Variants in LGI2 observed in about 807,000 individuals in gnomAD.
LGI2 encodes the protein leucine rich repeat LGI family member 2, also known as leucine-rich repeat LGI family member 2.
A neutral mutation model predicts 52.0 loss-of-function variants in LGI2; 30 were observed. That is an observed-to-expected ratio of 0.58 (90% CI 0.43 to 0.78). The LOEUF is 0.78. Among genes scored for constraint, LGI2 ranks in the 30% least tolerant of loss-of-function variants. The pLI is 0.00. For synonymous variants in LGI2, 270 were observed against 271.8 expected, an observed-to-expected ratio of 0.99 and a Z score of 0.06; for missense variants, 573 against 692.5, an observed-to-expected ratio of 0.83 and a Z score of 1.94.
In LGI2 at chr4:25,004,054, G is replaced by A; in HGVS notation, c.1035C>T (p.Ser345=). 6 of 1,614,194 alleles carry A rather than the reference G, an allele frequency of 3.7e-6. No individual in the cohort carries two copies. Among genetic ancestry groups the A allele is most frequent in the Non-Finnish European group, 5.1e-6 (6 of 1,180,028 alleles). ...DDETFFVIAD[S]SKAGLSTVYK... The stretch of plus-strand genomic sequence containing the variant: ...AAACTGTGGACAGACCAGCCTTTGA[G>A]CTGTCTGCGATGACAAAGAACGTCT... Residue 345 remains serine, a synonymous_variant, in exon 8 of 8, where the codon AGC becomes AGT. Transcript: ENST00000382114. This position sits in a 1 kb window ranked among gnomAD's most constrained non-coding sequence, Gnocchi z 4.6.
At chr4:24,996,755 G>A (rs1409081307), downstream of LGI2, among the ~76,000 whole-genome samples, 1 of 151,976 alleles carries the variant, frequency 6.6e-6, no homozygotes, top group South Asian at 2.1e-4. Flanking sequence ...TGTGGGTGAT[G>A]GATGGTGTGA....
intron 6 of LGI2, among the ~76,000 whole-genome samples, chr4:25,017,660 C>T (rs1000553987): frequency 5.9e-5 from 9 of 151,928 alleles, no homozygotes; most frequent in African/African-American, 2.2e-4. Flanking sequence ...CCTGCAGTGG[C>T]CTTCTATGAA....
In LGI2 at chr4:25,012,370, A is replaced by G. The variant is rs936098660; in HGVS notation, c.785T>C (p.Ile262Thr). The G allele has an allele frequency of 2.1e-5, 34 of 1,614,118 alleles. No individual in the cohort carries two copies. Among genetic ancestry groups the G allele is most frequent in the Non-Finnish European group, 2.9e-5 (34 of 1,180,034 alleles). Residue 262 changes from isoleucine to threonine, a missense_variant, in exon 7 of 8, where the codon ATT (isoleucine) becomes ACT (threonine). Transcript: ENST00000382114. ...ENCMVLEWDHIEMNFRSYDNI... is the reference protein window; with the variant it reads ...ENCMVLEWDHTEMNFRSYDNI... ...GTCATAGCTCCGGAAATTCATTTCA[A>G]TGTGGTCCCACTCCAGCACCATGCA...
chr4:25,013,085 A>G (rs1008957225), intron 6 of LGI2, among the ~76,000 whole-genome samples: 2 of 152,214 alleles, frequency 1.3e-5, no homozygotes, highest in African/African-American at 4.8e-5. Flanking sequence ...ACACTCCCCA[A>G]ATGGTACACT....
Position 25,004,300 on chromosome 4 carries a change from T to G in LGI2, c.821-32A>C. On this transcript the variant is annotated intron_variant, in intron 7 of 7. Transcript: ENST00000382114. This position sits in a 1 kb window ranked among gnomAD's most constrained non-coding sequence, Gnocchi z 4.6. ...TCCAAAATAAAGGAGAGGACATTAG[T>G]GCAACTACAGCTAAAAACGCATCTC... The G allele has an allele frequency of 6.4e-7, 1 of 1,571,956 alleles. No homozygotes were observed.
At chr4:25,023,068 T>TTGATGATGATGATGA (rs59366282) in intron 4 of LGI2, among the ~76,000 whole-genome samples, 5,496 of 151,120 alleles carry the variant, frequency 0.036, 129 homozygotes, top group Non-Finnish European at 0.05. Flanking sequence ...TATGTTGATG[T>TTGATGATGATGATGA]TGATGATGAT....
At position 25,030,733 on chromosome 4, in the gene LGI2, G is replaced by T; in HGVS notation, c.-40C>A. On this transcript the variant is annotated 5_prime_UTR_variant, in exon 1 of 8. Coordinates refer to ENST00000382114, the MANE Select transcript of LGI2 (RefSeq NM_018176.4). The stretch of plus-strand genomic sequence containing the variant: ...CCCCGCCCGGGCCCCGACCCCCACC[G>T]CCGCGCCGCGCGCTCGGACCCGGCG... 9.0e-7 allele frequency: 1 copy of T among 1,116,604 alleles called. No individual in the cohort carries two copies. Among genetic ancestry groups the T allele is most frequent in the African/African-American group, 1.7e-5 (1 of 60,170 alleles). 69.2% of individuals were successfully genotyped at this position (1,116,604 alleles called of 1,614,324 possible).
downstream of LGI2, among the ~76,000 whole-genome samples, chr4:24,997,967 T>C (rs1725131814): frequency 6.6e-6 from 1 of 152,158 alleles, no homozygotes; most frequent in African/African-American, 2.4e-5. Flanking sequence ...AGCCTCAAAC[T>C]CCTGGGCTCA....
intron 6 of LGI2, 103 bp from the exon 7 acceptor site, chr4:25,012,602 G>GGGAGGA: frequency 8.3e-7 from 1 of 1,199,118 alleles, no homozygotes; most frequent in East Asian, 2.4e-5. Flanking sequence ...AAAAGGACTG[G>GGGAGGA]GGAGGAGGAG....
chr4:25,006,078 C>A (rs1254509570), intron 7 of LGI2, among the ~76,000 whole-genome samples: 1 of 152,258 alleles, frequency 6.6e-6, no homozygotes, highest in Non-Finnish European at 1.5e-5. Context: ...ACTATAATCA[C>A]AAGACCTTGC....
rs1725340543 is a variant in LGI2 at position 25,004,414 on chromosome 4, A to G, written c.821-146T>C. ...ATGGTGGTTCCTTGAAAAATTAAAC[A>G]TGGAATTACCCTATGAGCCAGCAAT... is the stretch of plus-strand genomic sequence containing the variant. On this transcript the variant is annotated intron_variant, in intron 7 of 7. Transcript: ENST00000382114. The surrounding 1 kb of genome is among the most constrained non-coding windows in gnomAD (Gnocchi z 4.6). 5.5e-6 allele frequency: 4 copies of G among 725,802 alleles called. No individual in the cohort carries two copies. In the South Asian group the frequency reaches 7.5e-5, roughly 14 times the overall value. The allele number at this position is 725,802 out of a possible 1,614,324, so 45.0% of individuals were successfully genotyped here.
chr4:25,015,254 CTG>C (rs1409157322), intron 6 of LGI2, among the ~76,000 whole-genome samples: 1 of 152,218 alleles, frequency 6.6e-6, no homozygotes, highest in Admixed American at 6.5e-5. Context: ...CATTATTTCT[CTG>C]TGCATTTTCA....
At chr4:25,005,536 T>C (rs554396480) in intron 7 of LGI2, among the ~76,000 whole-genome samples, 3 of 151,644 alleles carry the variant, frequency 2.0e-5, no homozygotes, top group East Asian at 1.9e-4. Flanking sequence ...AATAAATAGA[T>C]ACAATTTTAA....
intron 7 of LGI2, among the ~76,000 whole-genome samples, chr4:25,009,926 G>T (rs141955442): frequency 3.9e-5 from 6 of 152,130 alleles, no homozygotes; most frequent in Non-Finnish European, 8.8e-5. Flanking sequence ...GAGTCAACAC[G>T]CCTGGCCAGA....
chr4:25,029,976 A>G (rs963165244), intron 1 of LGI2, among the ~76,000 whole-genome samples: 1 of 152,094 alleles, frequency 6.6e-6, no homozygotes, highest in African/African-American at 2.4e-5. Flanking sequence ...CGGGGTGAAC[A>G]TTCGCCCCAG....
chr4:25,014,271 T>C (rs1206973877), intron 6 of LGI2, among the ~76,000 whole-genome samples: 1 of 152,206 alleles, frequency 6.6e-6, no homozygotes, highest in Non-Finnish European at 1.5e-5. Context: ...AGAAAGTTTC[T>C]GTTTTTATTG....
At chr4:25,005,643 G>T (rs981314539) in intron 7 of LGI2, among the ~76,000 whole-genome samples, 6 of 152,052 alleles carry the variant, frequency 3.9e-5, no homozygotes, top group African/African-American at 1.2e-4. Context: ...CTCCTGGGGT[G>T]GTGGGGGGTT....
intron 7 of LGI2, among the ~76,000 whole-genome samples, chr4:25,006,003 C>T (rs993028634): frequency 9.2e-5 from 14 of 152,204 alleles, no homozygotes; most frequent in African/African-American, 3.4e-4. Context: ...TAGCATGGAG[C>T]ACTGGCACCT....
At chr4:25,028,469 G>C in intron 2 of LGI2, 38 bp downstream of exon 2, 1 of 1,594,474 alleles carries the variant, frequency 6.3e-7, no homozygotes, top group Non-Finnish European at 8.6e-7. Context: ...TGGCACCTCA[G>C]GGCCCCCCAT....
Sources: gnomAD v4.1 joint callset for allele counts (sites outside exome capture counted in the v4.1 genomes callset) on GRCh38, gnomAD v4.1.1 for gene constraint, Gnocchi (gnomAD v3.1) non-coding constraint, MANE v1.5 for transcripts, NCBI Gene and HGNC (gene_info 2026-07-23, HGNC 2026-07-21) for gene names.